The following ANKLE2 variants were observed in gnomAD, a reference collection of about 807,000 sequenced individuals.
ANKLE2 encodes ankyrin repeat and LEM domain containing 2, also known as ankyrin repeat and LEM domain-containing protein 2.
A neutral mutation model predicts 84.2 loss-of-function variants in ANKLE2; 55 were observed. The ratio of observed to expected loss-of-function variants is 0.65; its 90% CI spans 0.53 to 0.82. The LOEUF is 0.82. Among genes scored for constraint, ANKLE2 ranks in the 40% least tolerant of loss-of-function variants. The probability of loss-of-function intolerance (pLI) is 0.00; values close to 1 mark genes in which losing one functional copy is unlikely to be tolerated. For missense variants in ANKLE2, 1,238 were observed against 1,201.9 expected, an observed-to-expected ratio of 1.03 and a Z score of -0.44; for synonymous variants, 551 against 486.1, an observed-to-expected ratio of 1.13 and a Z score of -1.76.
At position 132,727,329 on chromosome 12, in the gene ANKLE2, TG is replaced by T; in HGVS notation, c.2729del (p.Pro910GlnfsTer52). The T allele has an allele frequency of 6.4e-7, 1 of 1,563,158 alleles. No homozygotes were observed. The highest frequency in any genetic ancestry group is 1.9e-5 in the Admixed American group (1 of 52,890). On this transcript the variant is annotated frameshift_variant, in exon 13 of 13. Coordinates refer to ENST00000357997, the MANE Select transcript of ANKLE2 (RefSeq NM_015114.3). LOFTEE classifies it low-confidence loss of function (END_TRUNC). ...TGTAGCGCCCAGGACTGCCCAGGCC[TG>T]GCTTTGCGGGGTTGCTTCCAGCCAC... Reference protein sequence around the residue: ...NSVAGSNPAKPGLGSPGRYSP... With the variant: ...NSVAGSNPAKXGLGSPGRYSP...
At position 132,732,846 on chromosome 12, in the gene ANKLE2, G is replaced by T. The variant is rs1184050025; in HGVS notation, c.1891+1539C>A. ...ACCATGTGAAGCCCTCTGCGTGCTG[G>T]TGTCTGATATGCACCGTGTGAAGCG... On this transcript the variant is annotated intron_variant, in intron 10 of 12. Coordinates refer to ENST00000357997, the MANE Select transcript of ANKLE2 (RefSeq NM_015114.3). 2.8e-5 allele frequency among the ~76,000 whole-genome samples: 4 copies of T among 142,106 alleles called. 1 individual carries two copies. The highest frequency in any genetic ancestry group is 6.2e-5 in the Non-Finnish European group (4 of 64,690). The allele number at this position is 142,106 out of a possible 152,430, so 93.2% of individuals were successfully genotyped here.
chr12:132,729,176 C>T (rs942303838), intron 11 of ANKLE2, among the ~76,000 whole-genome samples: 12 of 150,732 alleles, frequency 8.0e-5, no homozygotes, highest in Non-Finnish European at 8.9e-5. Flanking sequence ...TATGGCGAAA[C>T]CCCATCTCTA....
chr12:132,738,090 C>T (rs897818939), intron 7 of ANKLE2: 5 of 151,034 alleles, frequency 3.3e-5, no homozygotes, highest in African/African-American at 1.2e-4. Flanking sequence ...TGTAGTTTAT[C>T]ACAGGTGTGG....
chr12:132,729,872 T>A lies in ANKLE2; in HGVS notation c.2290A>T (p.Thr764Ser). Reference protein sequence around the residue: ...ESTKTKDQILTSRINAVERDL... With the variant: ...ESTKTKDQILSSRINAVERDL... The stretch of plus-strand genomic sequence containing the variant: ...CTTTCTACTGCATTGATTCTTGAAG[T>A]CAGGATCTGATCTTTAGTTTTTGTA... Residue 764 changes from threonine (T) to serine (S), a missense_variant, in exon 11 of 13, where the codon ACT becomes TCT. Around this residue, in one of 3 missense-constraint regions of ANKLE2, gnomAD observed 802 missense variants for 774.5 expected, o/e 1.04. Transcript: ENST00000357997. 2 of 1,613,686 alleles carry A rather than the reference T, an allele frequency of 1.2e-6. No individual in the cohort carries two copies. The highest frequency in any genetic ancestry group is 2.7e-5 in the African/African-American group (2 of 74,962).
chr12:132,728,144 C>G lies in ANKLE2; in HGVS notation c.2503G>C (p.Asp835His), dbSNP rs756312417. 4 of 1,612,694 alleles carry G rather than the reference C, an allele frequency of 2.5e-6. No homozygotes were observed. Among genetic ancestry groups the G allele is most frequent in the Non-Finnish European group, 3.4e-6 (4 of 1,179,876 alleles). The change falls in exon 12 of 13, where the codon GAT becomes CAT. Residue 835 changes from aspartate to histidine, a missense_variant. By Grantham distance (81) the Asp-to-His change is moderately conservative. This residue lies in a region of ANKLE2 where 802 missense variants were observed against 774.5 expected (regional missense o/e 1.04). Coordinates refer to ENST00000357997, the MANE Select transcript of ANKLE2 (RefSeq NM_015114.3). ...FLFGEEPSKLDQDVLAALECA... is the reference protein window; with the variant it reads ...FLFGEEPSKLHQDVLAALECA... The stretch of plus-strand genomic sequence containing the variant: ...TCAAGAGCGGCCAAAACATCCTGAT[C>G]GAGTTTTGATGGCTCCTCTCTAGAA...
chr12:132,737,616 G>GA (rs1269086505), intron 7 of ANKLE2: 1 of 152,270 alleles, frequency 6.6e-6, no homozygotes, highest in Non-Finnish European at 1.5e-5. Flanking sequence ...TCATGAGGCT[G>GA]AGGCAGGAGA....
In ANKLE2 at chr12:132,728,145, G is replaced by A. The variant is rs375883345; in HGVS notation, c.2502C>T (p.Leu834=). 278 of 1,612,658 alleles carry A rather than the reference G, an allele frequency of 1.7e-4. No homozygotes were observed. In the African/African-American group the frequency reaches 3.3e-3, roughly 19 times the overall value. ...LFLFGEEPSK[L]DQDVLAALEC... is the part of the protein sequence containing the mutation. ...CAAGAGCGGCCAAAACATCCTGATC[G>A]AGTTTTGATGGCTCCTCTCTAGAAA... is the stretch of plus-strand genomic sequence containing the variant. Residue 834 remains leucine, a synonymous_variant, in exon 12 of 13, where the codon CTC becomes CTT. Coordinates refer to ENST00000357997, the MANE Select transcript of ANKLE2 (RefSeq NM_015114.3).
chr12:132,749,436 G>A (rs375882753), intron 3 of ANKLE2, among the ~76,000 whole-genome samples: 10 of 152,326 alleles, frequency 6.6e-5, no homozygotes, highest in East Asian at 5.8e-4. Flanking sequence ...GATCACAGGC[G>A]TGAGCCACCT....
At chr12:132,745,797 C>A (rs2044224412) in intron 5 of ANKLE2, 1 of 161,360 alleles carries the variant, frequency 6.2e-6, no homozygotes, top group Non-Finnish European at 1.4e-5. Context: ...ACACACACAC[C>A]CTCAGCATCA....
intron 3 of ANKLE2, among the ~76,000 whole-genome samples, chr12:132,749,586 G>C (rs1182334686): frequency 6.6e-6 from 1 of 152,240 alleles, no homozygotes. Context: ...GAGGGCAGGC[G>C]GATGACTGGA....
intron 7 of ANKLE2, among the ~76,000 whole-genome samples, chr12:132,740,797 A>T (rs2044104393): frequency 8.4e-6 from 1 of 118,930 alleles, no homozygotes; most frequent in Non-Finnish European, 2.0e-5. Context: ...TGACTAGAAG[A>T]GGGCGGCCCA....
rs1404184489 is a variant in ANKLE2, at chr12:132,759,160, G to A, written c.181+2458C>T. 3.4e-4 allele frequency: 8 copies of A among 23,322 alleles called. 1 individual carries two copies. The East Asian group carries it at 9.0e-3, about 26-fold the overall frequency. The allele number at this position is 23,322 out of a possible 1,614,324, so 1.4% of individuals were successfully genotyped here. A position where few individuals can be genotyped will look rare whatever the true frequency, so the allele number is the denominator to read the frequency against. The stretch of plus-strand genomic sequence containing the variant: ...GGGCACCCACGTGGCAGAGAGGATC[G>A]CTGCGGAGTGGCACCCCGGGGCACC... On this transcript the variant is annotated intron_variant, in intron 1 of 12. Coordinates refer to ENST00000357997, the MANE Select transcript of ANKLE2 (RefSeq NM_015114.3).
At chr12:132,759,615 AAT>A (rs2044578660) in intron 1 of ANKLE2, 3 of 127,984 alleles carry the variant, frequency 2.3e-5, no homozygotes, top group African/African-American at 1.6e-4. Context: ...ATATAAAATA[AAT>A]CAGTATTTTT....
chr12:132,734,734 C>T lies in ANKLE2; in HGVS notation c.1701-159G>A. The T allele has an allele frequency of 1.7e-5, 12 of 720,858 alleles. No homozygotes were observed. In the South Asian group the frequency reaches 2.0e-4, roughly 12 times the overall value. 44.7% of individuals were successfully genotyped at this position (720,858 alleles called of 1,614,324 possible). On this transcript the variant is annotated intron_variant, in intron 9 of 12. Coordinates refer to ENST00000357997, the MANE Select transcript of ANKLE2 (RefSeq NM_015114.3). The stretch of plus-strand genomic sequence containing the variant: ...AACTGGCAGCTGAAATCATACGGTG[C>T]ATTTTCTGAAACAGCACGCCTCCTC...
intron 12 of ANKLE2, 23 bp from the exon 13 acceptor site, chr12:132,727,466 G>A (rs1410448032): frequency 1.3e-6 from 2 of 1,550,360 alleles, no homozygotes; most frequent in African/African-American, 1.4e-5. Context: ...AGAAAGAACT[G>A]TTAGCAGACG....
chr12:132,752,845 T>A (rs2044386032), intron 2 of ANKLE2, among the ~76,000 whole-genome samples: 1 of 152,136 alleles, frequency 6.6e-6, no homozygotes. Flanking sequence ...TTTTTTCCAA[T>A]GCTAAATCTT....
intron 3 of ANKLE2, among the ~76,000 whole-genome samples, chr12:132,748,613 C>T (rs1170413366): frequency 6.6e-6 from 1 of 152,130 alleles, no homozygotes; most frequent in Non-Finnish European, 1.5e-5. Flanking sequence ...CCAGCGCGCC[C>T]CCATGAGCAC....
rs2044284036 is a variant in ANKLE2, at chr12:132,748,344, G to A, written c.848-13C>T. ...AAGCACAAACCATCTGTCAGTAAGA[G>A]ACAGAATTTAAGAACAATCAGTTTC... On this transcript the variant is annotated splice_polypyrimidine_tract_variant and intron_variant, in intron 3 of 12. Coordinates refer to ENST00000357997, the MANE Select transcript of ANKLE2 (RefSeq NM_015114.3). 1 of 1,613,652 alleles carries A rather than the reference G, an allele frequency of 6.2e-7. No homozygotes were observed. Among genetic ancestry groups the A allele is most frequent in the Non-Finnish European group, 8.5e-7 (1 of 1,179,764 alleles).
At chr12:132,760,152 A>AC (rs1378043694) in intron 1 of ANKLE2, 2 of 150,248 alleles carry the variant, frequency 1.3e-5, no homozygotes, top group Non-Finnish European at 3.0e-5. Context: ...AAAAAAAAAA[A>AC]AGTGGTAGGG....
Sources: gnomAD v4.1 joint callset for allele counts (sites outside exome capture counted in the v4.1 genomes callset) on GRCh38, gnomAD v4.1.1 for gene constraint, gnomAD v4.1.1 regional missense constraint, MANE v1.5 for transcripts, NCBI Gene and HGNC (gene_info 2026-07-23, HGNC 2026-07-21) for gene names.